Variants in EYS observed in about 807,000 individuals in gnomAD.
EYS encodes protein eyes shut homolog.
Under a neutral mutation model 282.1 loss-of-function variants are expected in EYS, and 250 were observed. The ratio of observed to expected loss-of-function variants is 0.89; its 90% CI spans 0.80 to 0.98. EYS has a LOEUF of 0.98. Among genes scored for constraint, EYS ranks in the 50% least tolerant of loss-of-function variants. The probability of loss-of-function intolerance (pLI) is 0.00; values close to 1 mark genes in which losing one functional copy is unlikely to be tolerated. For synonymous variants in EYS, 1,355 were observed against 1,282.9 expected (o/e 1.06, Z -1.20); for missense variants, 4,016 against 3,709.0 (o/e 1.08, Z -2.15).
intron 2 of EYS, among the ~76,000 whole-genome samples, chr6:65,542,480 T>A (rs1562249661): frequency 7.5e-6 from 1 of 132,736 alleles, no homozygotes; most frequent in Non-Finnish European, 1.6e-5. Flanking sequence ...AGAATGTGTG[T>A]GTGTGTGTGT....
intron 7 of EYS, among the ~76,000 whole-genome samples, chr6:65,402,212 C>G (rs1394046022): frequency 6.6e-6 from 1 of 151,628 alleles, no homozygotes; most frequent in Non-Finnish European, 1.5e-5. Flanking sequence ...TATATTAAAA[C>G]CTCCATTATT....
chr6:64,603,079 C>T (rs1365087213), intron 24 of EYS, among the ~76,000 whole-genome samples: 4 of 152,012 alleles, frequency 2.6e-5, no homozygotes, highest in Admixed American at 2.6e-4. Context: ...ATCATGGATG[C>T]TAATCTTCCA....
In EYS at chr6:64,626,158, T is replaced by G; in HGVS notation, c.3531A>C (p.Glu1177Asp). The change falls in exon 23 of 43, where the codon GAA (glutamate) becomes GAC (aspartate). Residue 1177 changes from glutamate (E) to aspartate (D), a missense_variant. Coordinates refer to ENST00000503581, the MANE Select transcript of EYS (RefSeq NM_001142800.2). ...TGCAAACATATCCATTGATGTGATC[T>G]TCACAGTCTGCACCATGTAGACATG... ...SSPCLHGADC[E>D]DHINGYVCKC... 2 of 1,547,214 alleles carry G rather than the reference T, an allele frequency of 1.3e-6. No homozygotes were observed. The highest frequency in any genetic ancestry group is 2.4e-5 in the East Asian group (1 of 40,850).
At chr6:64,894,474 T>C (rs1033567193) in intron 18 of EYS, among the ~76,000 whole-genome samples, 5 of 152,134 alleles carry the variant, frequency 3.3e-5, no homozygotes, top group Non-Finnish European at 7.4e-5. Context: ...CTACTTACGG[T>C]GCTGCCTCAT....
chr6:64,708,186 A>G (rs116649514), intron 22 of EYS, among the ~76,000 whole-genome samples: 296 of 152,308 alleles, frequency 1.9e-3, no homozygotes, highest in Non-Finnish European at 3.7e-3. Flanking sequence ...TGTTGACCCA[A>G]CAATTCTTCT....
At chr6:65,643,860 G>C (rs373895998) in intron 1 of EYS, among the ~76,000 whole-genome samples, 2 of 152,078 alleles carry the variant, frequency 1.3e-5, no homozygotes, top group East Asian at 3.9e-4. Context: ...CTATCCCTAG[G>C]GGGAGGGGGT....
At chr6:63,833,815 C>T (rs967960180) in intron 36 of EYS, among the ~76,000 whole-genome samples, 2 of 152,168 alleles carry the variant, frequency 1.3e-5, no homozygotes, top group Non-Finnish European at 2.9e-5. Context: ...AACTATACTA[C>T]AAGGCTACAG....
intron 14 of EYS, among the ~76,000 whole-genome samples, chr6:64,968,910 C>G (rs1028690341): frequency 6.6e-6 from 1 of 152,190 alleles, no homozygotes; most frequent in Non-Finnish European, 1.5e-5. Flanking sequence ...TATGAAGGTA[C>G]AAAGACCAAG....
chr6:64,702,229 A>T (rs1176718671), intron 22 of EYS, among the ~76,000 whole-genome samples: 1 of 152,074 alleles, frequency 6.6e-6, no homozygotes, highest in Non-Finnish European at 1.5e-5. Context: ...ACAAATACAA[A>T]AAAAGAAGTT....
intron 41 of EYS, among the ~76,000 whole-genome samples, chr6:63,736,516 A>T (rs1768917264): frequency 6.6e-6 from 1 of 152,140 alleles, no homozygotes; most frequent in South Asian, 2.1e-4. Context: ...GAAGTCAGGT[A>T]GCGTGATGCC....
At chr6:65,519,023 A>T (rs545728012) in intron 2 of EYS, among the ~76,000 whole-genome samples, 4 of 152,270 alleles carry the variant, frequency 2.6e-5, no homozygotes, top group Non-Finnish European at 4.4e-5. Flanking sequence ...CAGAAAAAAA[A>T]ATTGTGAAAT....
At chr6:65,083,069 A>T (rs570396457) in intron 12 of EYS, among the ~76,000 whole-genome samples, 2 of 152,154 alleles carry the variant, frequency 1.3e-5, no homozygotes, top group East Asian at 1.9e-4. Flanking sequence ...ATCTTAAAAA[A>T]ATCACATTGT....
chr6:65,166,012 G>A (rs1442217073), intron 12 of EYS, among the ~76,000 whole-genome samples: 4 of 150,836 alleles, frequency 2.7e-5, no homozygotes, highest in African/African-American at 9.7e-5. Context: ...TATTTATAAT[G>A]GTAAAATAAA....
chr6:64,466,603 G>C (rs976354381), intron 26 of EYS, among the ~76,000 whole-genome samples: 1 of 152,008 alleles, frequency 6.6e-6, no homozygotes, highest in Admixed American at 6.6e-5. Context: ...TTTGGGAGGA[G>C]GTTGAGAAGA....
chr6:64,623,409 G>T (rs1289770507), intron 23 of EYS, among the ~76,000 whole-genome samples: 1 of 152,120 alleles, frequency 6.6e-6, no homozygotes, highest in Non-Finnish European at 1.5e-5. Flanking sequence ...TTACCCAGTG[G>T]TTCTGGGACT....
chr6:64,094,529 T>C (rs1412024559), intron 31 of EYS, among the ~76,000 whole-genome samples: 1 of 152,238 alleles, frequency 6.6e-6, no homozygotes, highest in African/African-American at 2.4e-5. Context: ...CTAGATTTTC[T>C]AGTTTATTTG....
chr6:65,443,093 A>T lies in EYS; in HGVS notation c.863-37726T>A, dbSNP rs551252091. Among the ~76,000 whole-genome samples the T allele has an allele frequency of 9.2e-5, 14 of 151,862 alleles. No individual in the cohort carries two copies. In the South Asian group the frequency reaches 2.9e-3, roughly 31 times the overall value. On this transcript the variant is annotated intron_variant, in intron 5 of 42. Transcript: ENST00000503581. ...TATGTATGTGTCTATACATACATGC[A>T]TATGCATATACATATATGTGGATCA...
intron 31 of EYS, among the ~76,000 whole-genome samples, chr6:64,116,100 G>T (rs1773373975): frequency 6.6e-6 from 1 of 152,002 alleles, no homozygotes; most frequent in Non-Finnish European, 1.5e-5. Flanking sequence ...AGGTAATACA[G>T]AATTCAATTA....
At chr6:64,373,710 G>A (rs184910852) in intron 29 of EYS, among the ~76,000 whole-genome samples, 2 of 152,284 alleles carry the variant, frequency 1.3e-5, no homozygotes, top group African/African-American at 4.8e-5. Context: ...CAGGAGGGGT[G>A]GGTAGAGCAT....
Sources: gnomAD v4.1 joint callset for allele counts (sites outside exome capture counted in the v4.1 genomes callset) on GRCh38, gnomAD v4.1.1 for gene constraint, MANE v1.5 for transcripts, NCBI Gene and HGNC (gene_info 2026-07-23, HGNC 2026-07-21) for gene names.